VPS13B: variants seen among roughly 807,000 people sequenced by gnomAD.
VPS13B encodes vacuolar protein sorting 13 homolog B.
In VPS13B, 285 loss-of-function variants were observed where a neutral mutation model predicts 426.4. The ratio of observed to expected loss-of-function variants is 0.67; its 90% CI spans 0.61 to 0.74. The LOEUF (loss-of-function observed/expected upper bound fraction) is 0.74, where lower values mean the gene tolerates loss of function less well. Among genes scored for constraint, VPS13B ranks in the 30% least tolerant of loss-of-function variants. The probability of loss-of-function intolerance (pLI) is 0.00; values close to 1 mark genes in which losing one functional copy is unlikely to be tolerated. For synonymous variants in VPS13B, 1,676 were observed against 1,676.4 expected (o/e 1.00, Z 0.01); for missense variants, 4,537 against 4,782.6 (o/e 0.95, Z 1.51).
intron 12 of VPS13B, among the ~76,000 whole-genome samples, chr8:99,141,404 C>T (rs1292855188): frequency 6.6e-6 from 1 of 152,012 alleles, no homozygotes; most frequent in Non-Finnish European, 1.5e-5. Flanking sequence ...GTCTATTATC[C>T]CCTAAAGGAC....
chr8:99,720,164 A>G (rs774592275), intron 37 of VPS13B, among the ~76,000 whole-genome samples, 181 bp from the exon 38 acceptor site: 12 of 152,146 alleles, frequency 7.9e-5, no homozygotes, highest in Admixed American at 4.6e-4. Flanking sequence ...TTGTTGTTAT[A>G]TATTTATTCA....
chr8:99,353,581 C>G (rs1354668705), intron 19 of VPS13B, among the ~76,000 whole-genome samples: 12 of 148,718 alleles, frequency 8.1e-5, no homozygotes, highest in Non-Finnish European at 1.5e-4. Context: ...TACATTCTTA[C>G]TAGAGCAGAC....
At chr8:99,857,143 G>A (rs2130926592) in intron 56 of VPS13B, among the ~76,000 whole-genome samples, 1 of 152,328 alleles carries the variant, frequency 6.6e-6, no homozygotes, top group East Asian at 1.9e-4. Flanking sequence ...ATGTCACTGA[G>A]ATGTAGCTCT....
chr8:99,360,571 C>A (rs1443488689), intron 19 of VPS13B, among the ~76,000 whole-genome samples: 1 of 152,080 alleles, frequency 6.6e-6, no homozygotes, highest in African/African-American at 2.4e-5. Context: ...GCCACCCCAC[C>A]CGGCCATTTC....
chr8:99,874,533 G>A (rs1376613497), intron 61 of VPS13B, among the ~76,000 whole-genome samples: 5 of 152,086 alleles, frequency 3.3e-5, no homozygotes, highest in Non-Finnish European at 7.4e-5. Flanking sequence ...TTCTTCCAGA[G>A]TAGTCTTGCC....
At chr8:99,029,722 A>G (rs963132537) in intron 2 of VPS13B, among the ~76,000 whole-genome samples, 1 of 151,278 alleles carries the variant, frequency 6.6e-6, no homozygotes. Flanking sequence ...CCGAGATGGC[A>G]GCAGTACAGT....
intron 17 of VPS13B, among the ~76,000 whole-genome samples, chr8:99,273,446 G>A (rs948565199): frequency 2.6e-5 from 4 of 151,888 alleles, no homozygotes; most frequent in Admixed American, 6.6e-5. Flanking sequence ...GATTACAGGC[G>A]TGAGTCACCG....
chr8:99,208,182 G>A (rs1482740819), intron 17 of VPS13B, among the ~76,000 whole-genome samples: 6 of 152,024 alleles, frequency 3.9e-5, no homozygotes, highest in Admixed American at 1.3e-4. Flanking sequence ...GAGGTGTCAT[G>A]CACTTTAAAA....
intron 7 of VPS13B, 105 bp downstream of exon 7, chr8:99,115,979 T>G (rs1369963459): frequency 8.7e-7 from 1 of 1,154,830 alleles, no homozygotes; most frequent in Non-Finnish European, 1.2e-6. Context: ...TACAGTATTC[T>G]AATGAGATGG....
chr8:99,165,273 A>G (rs570968768), intron 15 of VPS13B, among the ~76,000 whole-genome samples: 1 of 152,198 alleles, frequency 6.6e-6, no homozygotes, highest in Admixed American at 6.5e-5. Flanking sequence ...AGATCTTTTA[A>G]ATTTATTTCT....
At chr8:99,467,252 G>T (rs752612784) in intron 23 of VPS13B, among the ~76,000 whole-genome samples, 162 bp from the exon 24 acceptor site, 28 of 152,166 alleles carry the variant, frequency 1.8e-4, no homozygotes, top group Middle Eastern at 3.4e-3. Flanking sequence ...ATTTTCAGTA[G>T]CATGTAAATT....
At position 99,271,318 on chromosome 8, in the gene VPS13B, A is replaced by G. The variant is rs551116964; in HGVS notation, c.2516-2880A>G. Among the ~76,000 whole-genome samples, 5 of 152,174 alleles carry G rather than the reference A, an allele frequency of 3.3e-5. No homozygotes were observed. The East Asian group carries it at 9.6e-4, about 29-fold the overall frequency. On this transcript the variant is annotated intron_variant, in intron 17 of 61. Coordinates refer to ENST00000357162, the MANE Select transcript of VPS13B (RefSeq NM_152564.5). ...GATATTAAAATTTCCTGAGACATGAATTTTGAGAATCTGTTAAAAATGCTT... is the reference window on the plus strand; with the variant it reads ...GATATTAAAATTTCCTGAGACATGAGTTTTGAGAATCTGTTAAAAATGCTT...
intron 17 of VPS13B, among the ~76,000 whole-genome samples, chr8:99,204,556 A>G (rs1180010981): frequency 6.6e-6 from 1 of 152,252 alleles, no homozygotes; most frequent in Non-Finnish European, 1.5e-5. Flanking sequence ...AGAAACTCTC[A>G]TCAGCGTGAA....
chr8:99,800,927 C>T (rs907804848), intron 43 of VPS13B, among the ~76,000 whole-genome samples: 8 of 152,150 alleles, frequency 5.3e-5, no homozygotes, highest in African/African-American at 1.9e-4. Flanking sequence ...GATACCCTGA[C>T]TTACCCAGGG....
intron 19 of VPS13B, among the ~76,000 whole-genome samples, chr8:99,380,291 A>C (rs1244993596): frequency 6.6e-6 from 1 of 152,162 alleles, no homozygotes; most frequent in Non-Finnish European, 1.5e-5. Context: ...CTTGGGAAGT[A>C]GAAGAATTTA....
At chr8:99,728,446 A>G (rs77113353) in intron 39 of VPS13B, among the ~76,000 whole-genome samples, 5,059 of 152,296 alleles carry the variant, frequency 0.033, 118 homozygotes, top group Non-Finnish European at 0.048. Flanking sequence ...AGACCCAATC[A>G]ATTATTATGA....
chr8:99,374,163 T>C (rs1478425809), intron 19 of VPS13B, among the ~76,000 whole-genome samples: 2 of 151,866 alleles, frequency 1.3e-5, no homozygotes, highest in African/African-American at 2.4e-5. Flanking sequence ...ATTGTGTCTT[T>C]TTTTTTTCTT....
In VPS13B at chr8:99,481,657, A is replaced by T; in HGVS notation, c.3725A>T (p.Lys1242Met). ...IMNKVWNKIQ[K>M]RGNLNLSPTS... Reference sequence around the variant, plus strand: ...AATAAGGTCTGGAACAAGATTCAGAAGAGAGGCAATCTCAACCTATCTCCA... The same window carrying T: ...AATAAGGTCTGGAACAAGATTCAGATGAGAGGCAATCTCAACCTATCTCCA... Residue 1242 changes from lysine to methionine, a missense_variant, in exon 25 of 62, where the codon AAG becomes ATG. Physicochemically the swap from Lys to Met is moderately conservative, Grantham distance 95 (BLOSUM62 -1). Around this residue, in one of 2 missense-constraint regions of VPS13B, gnomAD observed 4,311 missense variants for 4,474.3 expected, o/e 0.96. Coordinates refer to ENST00000357162, the MANE Select transcript of VPS13B (RefSeq NM_152564.5). 2 of 1,614,034 alleles carry T rather than the reference A, an allele frequency of 1.2e-6. No individual in the cohort carries two copies. The highest frequency in any genetic ancestry group is 1.7e-6 in the Non-Finnish European group (2 of 1,179,908).
At chr8:99,552,173 T>G (rs571165967) in intron 30 of VPS13B, among the ~76,000 whole-genome samples, 14 of 152,170 alleles carry the variant, frequency 9.2e-5, no homozygotes, top group African/African-American at 3.1e-4. Context: ...TTTTCTCATT[T>G]GTAGTTCTAC....
Sources: gnomAD v4.1 joint callset for allele counts (sites outside exome capture counted in the v4.1 genomes callset) on GRCh38, gnomAD v4.1.1 for gene constraint, gnomAD v4.1.1 regional missense constraint, MANE v1.5 for transcripts, NCBI Gene and HGNC (gene_info 2026-07-23, HGNC 2026-07-21) for gene names.